The following BFSP2 variants were observed in gnomAD, a reference collection of about 807,000 sequenced individuals.
The protein encoded by BFSP2 is phakinin.
In BFSP2, 38 loss-of-function variants were observed where a neutral mutation model predicts 44.9. The ratio of observed to expected loss-of-function variants is 0.85; its 90% CI spans 0.65 to 1.11. The LOEUF (loss-of-function observed/expected upper bound fraction) is 1.11. BFSP2 is among the 50% of genes least tolerant of loss of function. BFSP2 has a pLI of 0.00. For missense variants in BFSP2, 525 were observed against 533.0 expected (o/e 0.99, Z 0.15); for synonymous variants, 197 against 209.9 (o/e 0.94, Z 0.53).
intron 1 of BFSP2, among the ~76,000 whole-genome samples, chr3:133,411,663 A>G (rs901175898): frequency 6.6e-6 from 1 of 152,204 alleles, no homozygotes; most frequent in Non-Finnish European, 1.5e-5. Flanking sequence ...GTTTTAATAA[A>G]GGCAGCACTT....
chr3:133,409,125 T>C (rs551534275), intron 1 of BFSP2, among the ~76,000 whole-genome samples: 50 of 152,306 alleles, frequency 3.3e-4, no homozygotes, highest in Non-Finnish European at 6.2e-4. Flanking sequence ...GGAATTTAAC[T>C]GTACATTCCT....
In BFSP2 at chr3:133,400,631, A is replaced by G. The variant is rs915826086; in HGVS notation, c.489+59A>G. On this transcript the variant is annotated intron_variant, in intron 1 of 6. Transcript: ENST00000302334. The surrounding 1 kb of genome is among the most constrained non-coding windows in gnomAD (Gnocchi z 4.0). ...AGGGCTGGGAGGGGCTGCTGAAGGCAGCGGGTAGGGTTGTGAGTAGGCTGA... is the reference window on the plus strand; with the variant it reads ...AGGGCTGGGAGGGGCTGCTGAAGGCGGCGGGTAGGGTTGTGAGTAGGCTGA... 3 of 1,552,534 alleles carry G rather than the reference A, an allele frequency of 1.9e-6. No individual in the cohort carries two copies. Among genetic ancestry groups the G allele is most frequent in the African/African-American group, 2.7e-5 (2 of 73,168 alleles).
chr3:133,456,034 A>T (rs1023854898), intron 4 of BFSP2, among the ~76,000 whole-genome samples: 2 of 152,188 alleles, frequency 1.3e-5, no homozygotes, highest in Non-Finnish European at 2.9e-5. Flanking sequence ...GTTGATGTAT[A>T]CAATACCCAA....
chr3:133,431,610 C>A (rs968432741), intron 1 of BFSP2, among the ~76,000 whole-genome samples: 1 of 152,292 alleles, frequency 6.6e-6, no homozygotes, highest in Admixed American at 6.5e-5. Flanking sequence ...GCTGCCCGAT[C>A]GCCTCAGAAG....
chr3:133,449,684 C>T (rs557492104), intron 3 of BFSP2, among the ~76,000 whole-genome samples: 3 of 152,088 alleles, frequency 2.0e-5, no homozygotes, highest in East Asian at 3.9e-4. Flanking sequence ...TCAAGACCAG[C>T]CTGGGCAACA....
chr3:133,470,354 T>G (rs980624431), intron 5 of BFSP2, among the ~76,000 whole-genome samples: 1 of 152,166 alleles, frequency 6.6e-6, no homozygotes, highest in South Asian at 2.1e-4. Flanking sequence ...TCCATAGTGG[T>G]CATAAGGGTG....
intron 1 of BFSP2, among the ~76,000 whole-genome samples, chr3:133,419,013 T>C (rs2073569434): frequency 6.6e-6 from 1 of 152,162 alleles, no homozygotes. Context: ...TTCTCCCTAT[T>C]CTGGAGGCCA....
intron 1 of BFSP2, among the ~76,000 whole-genome samples, chr3:133,425,441 T>TC (rs1000381374): frequency 3.9e-4 from 60 of 152,318 alleles, no homozygotes; most frequent in African/African-American, 1.4e-3. Context: ...AAGATCCCTT[T>TC]CAACTTGCTC....
intron 1 of BFSP2, among the ~76,000 whole-genome samples, chr3:133,439,664 G>A (rs9883661): frequency 0.42 from 64,492 of 152,038 alleles, 17,064 homozygotes; most frequent in East Asian, 0.58. Flanking sequence ...GTCAAGGTCT[G>A]GAAGCTAGAA....
chr3:133,418,575 G>C (rs913049773), intron 1 of BFSP2, among the ~76,000 whole-genome samples: 1 of 152,114 alleles, frequency 6.6e-6, no homozygotes, highest in African/African-American at 2.4e-5. Context: ...GTAGGCCCCT[G>C]AATTCCTGGG....
At position 133,431,926 on chromosome 3, in the gene BFSP2, T is replaced by C. The variant is rs187503172; in HGVS notation, c.490-15391T>C. Among the ~76,000 whole-genome samples the C allele has an allele frequency of 2.5e-3, 375 of 152,170 alleles. 2 individuals carry two copies. The highest frequency in any genetic ancestry group is 3.8e-3 in the Non-Finnish European group (260 of 68,008). The stretch of plus-strand genomic sequence containing the variant: ...ATCTGCTTCCCTGACTATTCCTGGA[T>C]TACAGCCGCATCTCATTGCCGCCCT... On this transcript the variant is annotated intron_variant, in intron 1 of 6. Transcript: ENST00000302334.
intron 1 of BFSP2, among the ~76,000 whole-genome samples, chr3:133,405,878 A>G (rs115643807): frequency 0.019 from 2,817 of 152,264 alleles, 89 homozygotes; most frequent in African/African-American, 0.065. Context: ...TTGATGGGAG[A>G]GGGGGAGAAG....
At chr3:133,430,345 C>G (rs9863238) in intron 1 of BFSP2, among the ~76,000 whole-genome samples, 73 of 149,438 alleles carry the variant, frequency 4.9e-4, no homozygotes, top group African/African-American at 1.7e-3. Flanking sequence ...ACTTCCACAA[C>G]GGTTGAACTA....
chr3:133,471,930 G>A (rs2074165421), intron 5 of BFSP2, among the ~76,000 whole-genome samples: 1 of 152,032 alleles, frequency 6.6e-6, no homozygotes, highest in Non-Finnish European at 1.5e-5. Context: ...GGTCCCCCGG[G>A]GAGTGAAGAA....
intron 1 of BFSP2, among the ~76,000 whole-genome samples, chr3:133,414,731 C>T (rs1576560940): frequency 7.4e-6 from 1 of 134,652 alleles, no homozygotes; most frequent in Non-Finnish European, 1.6e-5. Flanking sequence ...CCTCTACTTA[C>T]CCCTGCCATT....
In BFSP2 at chr3:133,432,374, C is replaced by CT. The variant is rs563503762; in HGVS notation, c.490-14937dup. Among the ~76,000 whole-genome samples, 19 of 152,250 alleles carry CT rather than the reference C, an allele frequency of 1.2e-4. No individual in the cohort carries two copies. In the East Asian group the frequency reaches 3.5e-3, roughly 28 times the overall value. On this transcript the variant is annotated intron_variant, in intron 1 of 6. Transcript: ENST00000302334. ...TATTCCGTTCTTGATCTTAAAGATG[C>CT]TTTTTTCACTATTCCCCTGCACCCC...
chr3:133,452,515 T>G (rs7632831), intron 4 of BFSP2, among the ~76,000 whole-genome samples: 45,449 of 151,984 alleles, frequency 0.3, 7,287 homozygotes, highest in African/African-American at 0.43. Context: ...AAGCCATAGA[T>G]TTGAGTTTGG....
intron 1 of BFSP2, among the ~76,000 whole-genome samples, chr3:133,407,338 AGAC>A (rs1201566565): frequency 1.3e-5 from 2 of 152,260 alleles, no homozygotes; most frequent in African/African-American, 4.8e-5. Flanking sequence ...AGTCTATATT[AGAC>A]AACAATCAAA....
intron 1 of BFSP2, among the ~76,000 whole-genome samples, chr3:133,438,031 G>T (rs2073807654): frequency 1.3e-5 from 2 of 152,204 alleles, no homozygotes; most frequent in Non-Finnish European, 2.9e-5. Context: ...AAGAGAGAAA[G>T]TGTGAGTATG....
Sources: allele counts gnomAD v4.1 joint callset (sites outside exome capture counted in the v4.1 genomes callset), GRCh38; gene constraint gnomAD v4.1.1; non-coding constraint Gnocchi (gnomAD v3.1); transcripts MANE v1.5; gene names NCBI Gene and HGNC (gene_info 2026-07-23, HGNC 2026-07-21).